PCBD2: variants seen among roughly 807,000 people sequenced by gnomAD.
PCBD2 encodes the protein pterin-4-alpha-carbinolamine dehydratase 2.
Under a neutral mutation model 16.4 loss-of-function variants are expected in PCBD2, and 12 were observed. That is an observed-to-expected ratio of 0.73 (90% confidence interval 0.47 to 1.19). PCBD2 has a LOEUF of 1.19. Ranked by LOEUF, PCBD2 falls within the 50% of genes most tolerant of loss-of-function variation. The pLI, the probability that PCBD2 is intolerant of heterozygous loss-of-function variation, is 0.00. For synonymous variants in PCBD2, 58 were observed against 61.8 expected (o/e 0.94, Z 0.29); for missense variants, 138 against 156.8 (o/e 0.88, Z 0.64).
intron 2 of PCBD2, among the ~76,000 whole-genome samples, chr5:134,945,754 C>A (rs1025033663): frequency 2.1e-4 from 32 of 152,138 alleles, no homozygotes; most frequent in African/African-American, 7.7e-4. Context: ...ATTGGAACCG[C>A]TTCAGTGTCC....
Position 134,912,308 on chromosome 5 carries a change from T to C in PCBD2, c.216+1842T>C, listed in dbSNP as rs530519803. ...GCTCCTATGACTTCTGCGTGTACCA[T>C]GGCCTGTAATGGTAACTGGTGTCCT... On this transcript the variant is annotated intron_variant, in intron 2 of 3. Transcript: ENST00000254908. 1.4e-4 allele frequency among the ~76,000 whole-genome samples: 21 copies of C among 152,328 alleles called. No homozygotes were observed. In the South Asian group the frequency reaches 4.3e-3, roughly 32 times the overall value.
intron 2 of PCBD2, chr5:134,925,641 G>C: frequency 2.5e-6 from 1 of 397,614 alleles, no homozygotes; most frequent in Non-Finnish European, 4.4e-6. Flanking sequence ...TGAGAGTTTG[G>C]ATTAGTGGGT....
At chr5:134,920,195 A>G (rs1447759275) in intron 2 of PCBD2, among the ~76,000 whole-genome samples, 3 of 152,112 alleles carry the variant, frequency 2.0e-5, no homozygotes, top group Non-Finnish European at 4.4e-5. Flanking sequence ...TGCGCTTTTG[A>G]TCTAGGTTAG....
At chr5:134,928,644 C>A (rs537031622) in intron 2 of PCBD2, 1 of 172,324 alleles carries the variant, frequency 5.8e-6, no homozygotes, top group Non-Finnish European at 1.2e-5. Context: ...ACCATCCTGG[C>A]TAACGTGGTG....
At chr5:134,948,949 G>C (rs563892906) in intron 2 of PCBD2, among the ~76,000 whole-genome samples, 1 of 152,270 alleles carries the variant, frequency 6.6e-6, no homozygotes, top group South Asian at 2.1e-4. Flanking sequence ...GGAGAAGCCA[G>C]TTTTAATTTC....
intron 2 of PCBD2, chr5:134,923,993 G>C: frequency 5.1e-6 from 2 of 394,598 alleles, no homozygotes; most frequent in Non-Finnish European, 9.0e-6. Flanking sequence ...TGGGGAGGTC[G>C]ATAAATGAGC....
intron 2 of PCBD2, among the ~76,000 whole-genome samples, chr5:134,915,951 C>G (rs1001424336): frequency 2.0e-5 from 3 of 152,174 alleles, no homozygotes; most frequent in Admixed American, 6.5e-5. Context: ...AAGACACCCT[C>G]TCCCTGAAAG....
chr5:134,939,929 A>ATT (rs56030382), intron 2 of PCBD2, among the ~76,000 whole-genome samples: 6 of 146,022 alleles, frequency 4.1e-5, no homozygotes, highest in Admixed American at 2.1e-4. Context: ...GTAATAAGAA[A>ATT]TTTTTTTTTT....
At chr5:134,943,757 C>T (rs1580891209) in intron 2 of PCBD2, among the ~76,000 whole-genome samples, 1 of 152,128 alleles carries the variant, frequency 6.6e-6, no homozygotes, top group East Asian at 1.9e-4. Flanking sequence ...GGTTGGGGAG[C>T]AAATGCCTGG....
chr5:134,941,236 G>T (rs999275817), intron 2 of PCBD2, among the ~76,000 whole-genome samples: 2 of 151,734 alleles, frequency 1.3e-5, no homozygotes, highest in African/African-American at 4.8e-5. Context: ...TGCCATTTCA[G>T]TTTTGGTAGG....
In PCBD2 at chr5:134,962,575, A is replaced by C. The variant is rs1168831029; in HGVS notation, c.*1894A>C. The stretch of plus-strand genomic sequence containing the variant: ...GCCTATAACAATTCTTATGAAGCTA[A>C]AGTTGATTTGGATTTTAGCTGCCGT... On this transcript the variant is annotated 3_prime_UTR_variant, in exon 4 of 4. Transcript: ENST00000254908. Among the ~76,000 whole-genome samples the C allele has an allele frequency of 6.6e-6, 1 of 152,078 alleles. No homozygotes were observed. The highest frequency in any genetic ancestry group is 1.5e-5 in the Non-Finnish European group (1 of 68,008).
intron 2 of PCBD2, among the ~76,000 whole-genome samples, chr5:134,953,103 A>T (rs1270041796): frequency 1.3e-5 from 2 of 151,392 alleles, no homozygotes; most frequent in South Asian, 2.1e-4. Flanking sequence ...ATCCAGCGTG[A>T]AAGTTTTCTC....
chr5:134,915,067 A>G (rs184257059), intron 2 of PCBD2, among the ~76,000 whole-genome samples: 172 of 152,318 alleles, frequency 1.1e-3, no homozygotes, highest in Non-Finnish European at 2.1e-3. Context: ...CTGTAATCCC[A>G]GCACTTTGGG....
chr5:134,954,076 A>G (rs753622803), intron 2 of PCBD2, among the ~76,000 whole-genome samples: 3 of 151,746 alleles, frequency 2.0e-5, no homozygotes, highest in Admixed American at 6.6e-5. Flanking sequence ...CCCAACCTCA[A>G]CCTCCTGAGT....
At chr5:134,943,696 C>T (rs977071733) in intron 2 of PCBD2, among the ~76,000 whole-genome samples, 1 of 152,138 alleles carries the variant, frequency 6.6e-6, no homozygotes, top group Non-Finnish European at 1.5e-5. Context: ...GTCTTGGGTT[C>T]TGTGCCTTCT....
Position 134,905,211 on chromosome 5 carries a change from G to A in PCBD2, c.72G>A (p.Gly24=), listed in dbSNP as rs954225192. 3.6e-5 allele frequency: 44 copies of A among 1,224,214 alleles called. No homozygotes were observed. Among genetic ancestry groups the A allele is most frequent in the Non-Finnish European group, 4.5e-5 (44 of 983,274 alleles). 75.8% of individuals were successfully genotyped at this position (1,224,214 alleles called of 1,614,324 possible). The change falls in exon 1 of 4, where the codon GGG becomes GGA. Residue 24 remains glycine, a synonymous_variant. Transcript: ENST00000254908. ...LLAALRGQSL[G]LAAMSSGTHR... ...CGGCGCTGCGAGGCCAGAGCCTAGG[G>A]CTAGCGGCCATGGTGAGTGCACAGC...
At chr5:134,927,331 A>G (rs1009798623) in intron 2 of PCBD2, 6 of 398,390 alleles carry the variant, frequency 1.5e-5, no homozygotes, top group Non-Finnish European at 2.2e-5. Flanking sequence ...CCTAATTTTA[A>G]GAGTACTGCA....
At chr5:134,929,948 C>T (rs1751072269) in intron 2 of PCBD2, among the ~76,000 whole-genome samples, 2 of 152,154 alleles carry the variant, frequency 1.3e-5, no homozygotes, top group Non-Finnish European at 2.9e-5. Flanking sequence ...CCCACCCCAC[C>T]CTCTCAAAGT....
At chr5:134,922,065 A>G (rs1017246765) in intron 2 of PCBD2, among the ~76,000 whole-genome samples, 3 of 152,222 alleles carry the variant, frequency 2.0e-5, no homozygotes, top group Admixed American at 1.3e-4. Context: ...ATGAGAGGTC[A>G]CCTACTCATC....
Sources: allele counts gnomAD v4.1 joint callset (sites outside exome capture counted in the v4.1 genomes callset), GRCh38; gene constraint gnomAD v4.1.1; transcripts MANE v1.5; gene names NCBI Gene and HGNC (gene_info 2026-07-23, HGNC 2026-07-21).